Variants in SLC30A8 observed in about 807,000 individuals in gnomAD.
SLC30A8 encodes solute carrier family 30 member 8.
In SLC30A8, 27 loss-of-function variants were observed where a neutral mutation model predicts 36.9. That is an observed-to-expected ratio of 0.73 (90% confidence interval 0.54 to 1.01). SLC30A8 has a LOEUF of 1.01. Ranked by LOEUF, SLC30A8 falls within the 50% of genes least tolerant of loss-of-function variation. The pLI is 0.00. For missense variants in SLC30A8, 439 were observed against 452.0 expected (o/e 0.97, Z 0.26); for synonymous variants, 164 against 172.4 (o/e 0.95, Z 0.38).
At chr8:117,045,104 G>C (rs767869504) in intron 2 of SLC30A8, among the ~76,000 whole-genome samples, 1 of 152,184 alleles carries the variant, frequency 6.6e-6, no homozygotes, top group Non-Finnish European at 1.5e-5. Context: ...CCTTTCAGCG[G>C]TGTAACTGGG....
chr8:116,991,546 C>T (rs899473118), intron 1 of SLC30A8, among the ~76,000 whole-genome samples: 4 of 152,224 alleles, frequency 2.6e-5, no homozygotes, highest in East Asian at 1.9e-4. Context: ...CTCAGGTGAT[C>T]GCCCATCTTG....
At chr8:117,023,861 A>C (rs966207502) in intron 1 of SLC30A8, among the ~76,000 whole-genome samples, 1 of 147,122 alleles carries the variant, frequency 6.8e-6, no homozygotes, top group African/African-American at 2.6e-5. Context: ...CCTAAAACTT[A>C]AAAAAAAAAG....
At chr8:116,986,243 T>A (rs1815440105) in intron 1 of SLC30A8, among the ~76,000 whole-genome samples, 1 of 151,970 alleles carries the variant, frequency 6.6e-6, no homozygotes, top group Admixed American at 6.6e-5. Context: ...TAATTACTAT[T>A]TATTCATCAT....
intron 1 of SLC30A8, among the ~76,000 whole-genome samples, chr8:116,984,586 G>A (rs757914779): frequency 1.3e-5 from 2 of 152,070 alleles, no homozygotes; most frequent in Non-Finnish European, 2.9e-5. Context: ...TTTACCATCT[G>A]TATATCCTCT....
At chr8:117,139,342 T>G (rs1366303210) in intron 1 of SLC30A8, among the ~76,000 whole-genome samples, 1 of 152,034 alleles carries the variant, frequency 6.6e-6, no homozygotes, top group African/African-American at 2.4e-5. Flanking sequence ...AGACTCCAGA[T>G]AGCTCACTCT....
intron 1 of SLC30A8, among the ~76,000 whole-genome samples, chr8:116,957,983 T>C (rs1456597284): frequency 1.3e-5 from 2 of 152,210 alleles, no homozygotes; most frequent in African/African-American, 4.8e-5. Flanking sequence ...ACAGGATCTA[T>C]GCCTCGTGTC....
intron 2 of SLC30A8, among the ~76,000 whole-genome samples, chr8:117,150,099 CAAAG>C (rs1822105607): frequency 6.6e-6 from 1 of 152,130 alleles, no homozygotes; most frequent in African/African-American, 2.4e-5. Context: ...ACATTATAAA[CAAAG>C]GAAGTTGAAT....
intron 2 of SLC30A8, among the ~76,000 whole-genome samples, chr8:117,050,830 G>C (rs1489000966): frequency 6.6e-6 from 1 of 152,240 alleles, no homozygotes; most frequent in Non-Finnish European, 1.5e-5. Flanking sequence ...AGAAGGAACA[G>C]TGGAGAAGAG....
At chr8:116,963,549 C>T (rs1814502480) in intron 1 of SLC30A8, among the ~76,000 whole-genome samples, 1 of 152,314 alleles carries the variant, frequency 6.6e-6, no homozygotes, top group Middle Eastern at 3.4e-3. Flanking sequence ...TTTCACTTAG[C>T]ATAGTATTTT....
intron 2 of SLC30A8, among the ~76,000 whole-genome samples, chr8:117,097,321 C>T (rs1483506561): frequency 2.2e-5 from 3 of 137,770 alleles, no homozygotes; most frequent in East Asian, 2.1e-4. Flanking sequence ...ATGGCGTTTA[C>T]CGGGGGTGGA....
At chr8:117,063,691 A>C (rs1452237363) in intron 2 of SLC30A8, among the ~76,000 whole-genome samples, 2 of 152,238 alleles carry the variant, frequency 1.3e-5, no homozygotes, top group Non-Finnish European at 2.9e-5. Flanking sequence ...AGAAGCACAC[A>C]ATATAGAGAA....
chr8:117,109,686 C>T (rs957104570), intron 2 of SLC30A8, among the ~76,000 whole-genome samples: 1 of 152,172 alleles, frequency 6.6e-6, no homozygotes, highest in Non-Finnish European at 1.5e-5. Context: ...ACTGCAACAT[C>T]GGTATTTACG....
At chr8:117,039,365 GTTTTC>G (rs892956783) in intron 2 of SLC30A8, 7 of 151,948 alleles carry the variant, frequency 4.6e-5, no homozygotes, top group African/African-American at 9.7e-5. Flanking sequence ...TGTTTTACTT[GTTTTC>G]TTTTCTAATA....
At chr8:116,962,269 A>G (rs1814449965) in intron 1 of SLC30A8, among the ~76,000 whole-genome samples, 1 of 151,986 alleles carries the variant, frequency 6.6e-6, no homozygotes. Context: ...GGACAGTTGA[A>G]CAATAGACCT....
chr8:117,083,508 T>C (rs1818743569), intron 2 of SLC30A8, among the ~76,000 whole-genome samples: 1 of 152,218 alleles, frequency 6.6e-6, no homozygotes. Flanking sequence ...TCAAGACCTT[T>C]GTTGTTACTA....
At chr8:117,093,993 A>T (rs765047659) in intron 2 of SLC30A8, among the ~76,000 whole-genome samples, 69 of 152,316 alleles carry the variant, frequency 4.5e-4, no homozygotes, top group Admixed American at 1.3e-3. Context: ...CTTTGGCTGG[A>T]CCAGGCATCC....
intron 2 of SLC30A8, among the ~76,000 whole-genome samples, chr8:117,115,082 A>G (rs1049401907): frequency 6.6e-6 from 1 of 151,306 alleles, no homozygotes; most frequent in Admixed American, 6.6e-5. Flanking sequence ...CTAATTTTTG[A>G]ATTTTATTTT....
upstream of SLC30A8, among the ~76,000 whole-genome samples, chr8:117,131,951 T>G (rs1476960007): frequency 6.6e-6 from 1 of 151,980 alleles, no homozygotes; most frequent in African/African-American, 2.4e-5. Flanking sequence ...AACTGGAAAC[T>G]AAAATTGTCT....
intron 1 of SLC30A8, among the ~76,000 whole-genome samples, chr8:117,037,877 AAGTT>A (rs1430924646): frequency 3.3e-5 from 5 of 152,170 alleles, no homozygotes; most frequent in Non-Finnish European, 7.3e-5. Flanking sequence ...AAGAGAGAGA[AAGTT>A]AGAAAAGAAA....
Sources: gnomAD v4.1 joint callset for allele counts (sites outside exome capture counted in the v4.1 genomes callset) on GRCh38, gnomAD v4.1.1 for gene constraint, MANE v1.5 for transcripts, NCBI Gene and HGNC (gene_info 2026-07-23, HGNC 2026-07-21) for gene names.